The following TIMD4 variants were observed in gnomAD, a reference collection of about 807,000 sequenced individuals.
TIMD4 encodes the protein T-cell immunoglobulin and mucin domain-containing protein 4.
TIMD4 carries 31 observed loss-of-function variants against 41.2 expected under a neutral mutation model. The ratio of observed to expected loss-of-function variants is 0.75; its 90% CI spans 0.57 to 1.01. TIMD4 has a LOEUF of 1.01. Ranked by LOEUF, TIMD4 falls within the 50% of genes least tolerant of loss-of-function variation. The pLI, the probability that TIMD4 is intolerant of heterozygous loss-of-function variation, is 0.00. For synonymous variants in TIMD4, 204 were observed against 177.1 expected, an observed-to-expected ratio of 1.15 and a Z score of -1.21; for missense variants, 479 against 472.5, an observed-to-expected ratio of 1.01 and a Z score of -0.13.
intron 5 of TIMD4, among the ~76,000 whole-genome samples, chr5:156,944,626 T>C (rs1759706558): frequency 1.4e-5 from 2 of 146,038 alleles, no homozygotes; most frequent in Non-Finnish European, 3.0e-5. Context: ...TGCCTCAGCC[T>C]CCCAAGTAGC....
In TIMD4 at chr5:156,951,589, G is replaced by T; in HGVS notation, c.602C>A (p.Thr201Asn). 6.2e-7 allele frequency: 1 copy of T among 1,614,194 alleles called. No individual in the cohort carries two copies. The highest frequency in any genetic ancestry group is 8.5e-7 in the Non-Finnish European group (1 of 1,180,030). The stretch of plus-strand genomic sequence containing the variant: ...GGCTTCCTCCGGAAGGGTGCTTGGG[G>T]TTAGTGAAAGGCACGTGTTTGCTGT... Reference protein sequence around the residue: ...FTTANTCLSLTPSTLPEEATG... With the variant: ...FTTANTCLSLNPSTLPEEATG... The change falls in exon 3 of 9, where the codon ACC becomes AAC. Residue 201 changes from threonine to asparagine, a missense_variant. Thr to Asn is a moderately conservative substitution (Grantham distance 65, BLOSUM62 0). Coordinates refer to ENST00000274532, the MANE Select transcript of TIMD4 (RefSeq NM_138379.3).
intron 1 of TIMD4, among the ~76,000 whole-genome samples, chr5:156,955,545 A>G (rs965039053): frequency 3.3e-5 from 5 of 152,024 alleles, no homozygotes; most frequent in African/African-American, 1.2e-4. Context: ...GGTCCCAGCT[A>G]CTCAGGAGGC....
At chr5:156,954,210 C>T (rs986210677) in intron 2 of TIMD4, among the ~76,000 whole-genome samples, 2 of 152,196 alleles carry the variant, frequency 1.3e-5, no homozygotes, top group Non-Finnish European at 2.9e-5. Flanking sequence ...CTGCAATTCA[C>T]GAGTTCCCTT....
chr5:156,932,851 A>G (rs1483908078), intron 5 of TIMD4, among the ~76,000 whole-genome samples: 3 of 152,082 alleles, frequency 2.0e-5, no homozygotes, highest in Admixed American at 6.5e-5. Context: ...TAAAAATGCA[A>G]AAATTAGCCA....
intron 6 of TIMD4, chr5:156,924,439 C>T: frequency 2.1e-6 from 1 of 482,144 alleles, no homozygotes; most frequent in South Asian, 1.6e-5. Flanking sequence ...AATGCACCTG[C>T]TGGATTTTTT....
At chr5:156,925,000 GAA>G (rs934767877) in intron 6 of TIMD4, among the ~76,000 whole-genome samples, 7 of 151,992 alleles carry the variant, frequency 4.6e-5, no homozygotes, top group African/African-American at 1.5e-4. Context: ...GTTAAAAAAA[GAA>G]AAAGAGAGAG....
chr5:156,941,691 G>A (rs1269852869), intron 5 of TIMD4, among the ~76,000 whole-genome samples: 2 of 152,174 alleles, frequency 1.3e-5, no homozygotes, highest in Non-Finnish European at 2.9e-5. Flanking sequence ...CTCACTAAAG[G>A]ATGGTTTGTT....
intron 5 of TIMD4, among the ~76,000 whole-genome samples, chr5:156,946,318 A>T (rs552247647): frequency 6.6e-6 from 1 of 151,916 alleles, no homozygotes; most frequent in South Asian, 2.1e-4. Context: ...TAAATTATCA[A>T]CTCCTAATCC....
intron 5 of TIMD4, among the ~76,000 whole-genome samples, 165 bp from the exon 6 acceptor site, chr5:156,926,477 G>A (rs751165467): frequency 6.6e-6 from 1 of 152,114 alleles, no homozygotes; most frequent in East Asian, 1.9e-4. Flanking sequence ...GTTTTGATAT[G>A]GTTTTAATGT....
intron 6 of TIMD4, chr5:156,924,209 C>T (rs1759305793): frequency 2.3e-6 from 1 of 437,916 alleles, no homozygotes. Flanking sequence ...GGACTTCCCT[C>T]CCCAAAATCC....
At position 156,928,740 on chromosome 5, in the gene TIMD4, G is replaced by A. The variant is rs556578122; in HGVS notation, c.845-2428C>T. Among the ~76,000 whole-genome samples, 7 of 152,244 alleles carry A rather than the reference G, an allele frequency of 4.6e-5. No individual in the cohort carries two copies. The South Asian group carries it at 1.5e-3, about 32-fold the overall frequency. On this transcript the variant is annotated intron_variant, in intron 5 of 8. Coordinates refer to ENST00000274532, the MANE Select transcript of TIMD4 (RefSeq NM_138379.3). ...TGTTAAATGTCACTAGGAACAAAGG[G>A]GAAATTCAGCATGTTTTCATATCCT...
chr5:156,934,463 T>C (rs1425061957), intron 5 of TIMD4, among the ~76,000 whole-genome samples: 2 of 152,102 alleles, frequency 1.3e-5, no homozygotes, highest in Non-Finnish European at 2.9e-5. Flanking sequence ...TTTTGTTTTG[T>C]TTTGTTTTGG....
rs924774491 is a variant in TIMD4, at chr5:156,951,684, T to A, written c.507A>T (p.Thr169=). The A allele has an allele frequency of 4.3e-6, 7 of 1,613,860 alleles. No individual in the cohort carries two copies. Among genetic ancestry groups the A allele is most frequent in the Non-Finnish European group, 5.1e-6 (6 of 1,180,000 alleles). Residue 169 remains threonine (T), a synonymous_variant, in exon 3 of 9, where the codon ACA becomes ACT. Transcript: ENST00000274532. ...QMTTTPAALP[T]TVVTTPDLTT... is the part of the protein sequence containing the mutation. ...TGAGATCGGGTGTGGTCACGACTGT[T>A]GTTGGAAGTGCAGCTGGGGTTGTTG...
rs1324202892 is a variant in TIMD4 at position 156,919,492 on chromosome 5, C to T, written c.1102G>A (p.Gly368Arg). Reference protein sequence around the residue: ...SKNVLNDVQHGREDEDGLFTL With the variant: ...SKNVLNDVQHRREDEDGLFTL Reference sequence around the variant, plus strand: ...AAAAGGCCGTCTTCGTCTTCCCTTCCATGCTGCACGTCATTGAGGACATTT... The same window carrying T: ...AAAAGGCCGTCTTCGTCTTCCCTTCTATGCTGCACGTCATTGAGGACATTT... Residue 368 changes from glycine to arginine, a missense_variant, in exon 9 of 9, where the codon GGA becomes AGA. Coordinates refer to ENST00000274532, the MANE Select transcript of TIMD4 (RefSeq NM_138379.3). 1 of 1,613,994 alleles carries T rather than the reference C, an allele frequency of 6.2e-7. No individual in the cohort carries two copies. Among genetic ancestry groups the T allele is most frequent in the African/African-American group, 1.3e-5 (1 of 74,934 alleles).
chr5:156,947,776 C>T (rs2113377646), intron 5 of TIMD4, among the ~76,000 whole-genome samples: 1 of 152,124 alleles, frequency 6.6e-6, no homozygotes, highest in East Asian at 1.9e-4. Context: ...GAAAAAAGAC[C>T]TAGAATGATC....
intron 8 of TIMD4, 31 bp downstream of exon 8, chr5:156,920,433 T>A: frequency 6.2e-7 from 1 of 1,612,342 alleles, no homozygotes; most frequent in Non-Finnish European, 8.5e-7. Context: ...TGTACAATCA[T>A]TACAACACCC....
chr5:156,956,253 T>C (rs1332986789), intron 1 of TIMD4, among the ~76,000 whole-genome samples: 1 of 152,194 alleles, frequency 6.6e-6, no homozygotes, highest in Non-Finnish European at 1.5e-5. Flanking sequence ...CTCGCTTATT[T>C]CACTTTGCAG....
At chr5:156,948,356 AAAAATAAT>A in intron 5 of TIMD4, 52 bp downstream of exon 5, 1 of 1,041,996 alleles carries the variant, frequency 9.6e-7, no homozygotes, top group Non-Finnish European at 1.2e-6. Flanking sequence ...TCTGTCTAAA[AAAAATAAT>A]AATAATAATT....
At chr5:156,919,827 C>T (rs1029766790) in intron 8 of TIMD4, among the ~76,000 whole-genome samples, 3 of 152,186 alleles carry the variant, frequency 2.0e-5, no homozygotes, top group African/African-American at 4.8e-5. Flanking sequence ...TGAAAGGTCA[C>T]CTCGCTGGGT....
Sources: allele counts gnomAD v4.1 joint callset (sites outside exome capture counted in the v4.1 genomes callset), GRCh38; gene constraint gnomAD v4.1.1; transcripts MANE v1.5; gene names NCBI Gene and HGNC (gene_info 2026-07-23, HGNC 2026-07-21).